Variants in RAI14 observed in about 807,000 individuals in gnomAD.
The protein encoded by RAI14 is ankycorbin.
In RAI14, 45 loss-of-function variants were observed where a neutral mutation model predicts 115.4. The observed-to-expected ratio is 0.39, with a 90% CI of 0.31 to 0.50. The LOEUF is 0.50. Among genes scored for constraint, RAI14 ranks in the 20% least tolerant of loss-of-function variants. The pLI is 0.85. For missense variants in RAI14, 939 were observed against 1,131.2 expected (o/e 0.83, Z 2.44); for synonymous variants, 371 against 415.4 (o/e 0.89, Z 1.30).
At chr5:34,734,244 A>AC (rs1744568086) in intron 2 of RAI14, among the ~76,000 whole-genome samples, 1 of 152,120 alleles carries the variant, frequency 6.6e-6, no homozygotes, top group African/African-American at 2.4e-5. Flanking sequence ...GGGTCAGTGA[A>AC]CTGGGGGGGC....
intron 3 of RAI14, among the ~76,000 whole-genome samples, chr5:34,758,789 A>T (rs1047815401): frequency 6.6e-6 from 1 of 152,194 alleles, no homozygotes; most frequent in African/African-American, 2.4e-5. Context: ...CTGCTCCCAC[A>T]CTACAAAGGC....
In RAI14 at chr5:34,826,482, G is replaced by C. The variant is rs565314228; in HGVS notation, c.2799+3G>C. 5.0e-6 allele frequency: 8 copies of C among 1,612,092 alleles called. 1 individual carries two copies. In the South Asian group the frequency reaches 8.8e-5, roughly 18 times the overall value. The stretch of plus-strand genomic sequence containing the variant: ...AACAGCTCCAGAACCAGCTGGCGGT[G>C]AGTGGGCTTGTTTCTGCTGCCTGGT... On this transcript the variant is annotated splice_donor_region_variant and intron_variant, in intron 16 of 17. Transcript: ENST00000265109.
intron 2 of RAI14, chr5:34,716,047 T>C (rs1327023084): frequency 4.4e-6 from 2 of 451,272 alleles, no homozygotes; most frequent in Non-Finnish European, 8.9e-6. Context: ...ATATTTCCTG[T>C]CCTCTAGGAA....
intron 3 of RAI14, among the ~76,000 whole-genome samples, chr5:34,787,893 A>ATTTTTTTTTTGTTTTTTTTT (rs1752489144): frequency 4.0e-5 from 1 of 25,090 alleles, no homozygotes; most frequent in Non-Finnish European, 8.4e-5. Flanking sequence ...GATACTACTG[A>ATTTTTTTTTTGTTTTTTTTT]TTTTTTTTTT....
intron 3 of RAI14, among the ~76,000 whole-genome samples, chr5:34,764,545 C>T (rs796133055): frequency 0.31 from 44,630 of 144,764 alleles, 9,182 homozygotes; most frequent in African/African-American, 0.64. Flanking sequence ...TTTTCTCTCT[C>T]TCTCTCTCTC....
chr5:34,830,761 A>G lies in RAI14; in HGVS notation c.2939A>G (p.Lys980Arg). ...ATGTGTAAAAACCAGTCTCAAAAGA[A>G]GTAAAGTGGATTCCTTGGCAGGACA... ...LTMCKNQSQK[K>R] The change falls in exon 18 of 18, where the codon AAG (lysine) becomes AGG (arginine). Residue 980 changes from lysine (K) to arginine (R), a missense_variant. Physicochemically the swap from Lys to Arg is conservative, Grantham distance 26. Coordinates refer to ENST00000265109, the MANE Select transcript of RAI14 (RefSeq NM_015577.3). The G allele has an allele frequency of 1.2e-6, 2 of 1,614,172 alleles. No homozygotes were observed. Among genetic ancestry groups the G allele is most frequent in the Non-Finnish European group, 1.7e-6 (2 of 1,179,996 alleles).
chr5:34,811,189 A>C, intron 8 of RAI14, 71 bp downstream of exon 8: 3 of 1,488,856 alleles, frequency 2.0e-6, no homozygotes, highest in Non-Finnish European at 2.8e-6. Context: ...TCAAAATATC[A>C]CAGCTATATT....
intron 1 of RAI14, among the ~76,000 whole-genome samples, chr5:34,670,489 A>G (rs541685674): frequency 6.6e-6 from 1 of 152,342 alleles, no homozygotes; most frequent in South Asian, 2.1e-4. Context: ...AAATTTTGCA[A>G]AGTAATCTTT....
At chr5:34,772,616 G>T (rs1750318525) in intron 3 of RAI14, among the ~76,000 whole-genome samples, 1 of 152,132 alleles carries the variant, frequency 6.6e-6, no homozygotes. Flanking sequence ...TTAGAAATGA[G>T]GGAACTGAAG....
At chr5:34,803,100 A>G (rs941212355) in intron 4 of RAI14, among the ~76,000 whole-genome samples, 3 of 152,216 alleles carry the variant, frequency 2.0e-5, no homozygotes, top group African/African-American at 7.2e-5. Context: ...GACAGCTGAA[A>G]GCAGAGCTGC....
chr5:34,686,849 A>G lies in RAI14; in HGVS notation c.-48-23A>G, dbSNP rs564313431. On this transcript the variant is annotated intron_variant, in intron 1 of 17. Coordinates refer to ENST00000265109, the MANE Select transcript of RAI14 (RefSeq NM_015577.3). ...GAATACCTTATTTGGAAACCTACAT[A>G]TGTCCTTTTTTTCTCTGCTTAGGTG... 8.8e-6 allele frequency: 13 copies of G among 1,482,020 alleles called. No individual in the cohort carries two copies. In the East Asian group the frequency reaches 1.4e-4, roughly 16 times the overall value. 91.8% of individuals were successfully genotyped at this position (1,482,020 alleles called of 1,614,324 possible).
chr5:34,800,265 T>C (rs1299075946), intron 4 of RAI14, among the ~76,000 whole-genome samples: 1 of 152,230 alleles, frequency 6.6e-6, no homozygotes, highest in African/African-American at 2.4e-5. Context: ...TCTACTTAGA[T>C]AGCCTTTAAG....
At chr5:34,667,175 T>C (rs1228229974) in intron 1 of RAI14, 1 of 152,214 alleles carries the variant, frequency 6.6e-6, no homozygotes, top group Non-Finnish European at 1.5e-5. Flanking sequence ...GAGACTCCTG[T>C]ATGTAGCTAA....
intron 12 of RAI14, 67 bp from the exon 13 acceptor site, chr5:34,818,730 C>T: frequency 7.3e-7 from 1 of 1,372,718 alleles, no homozygotes; most frequent in Non-Finnish European, 1.0e-6. Flanking sequence ...GGAGGAAAGT[C>T]TGCTTGATTC....
intron 2 of RAI14, among the ~76,000 whole-genome samples, chr5:34,720,896 G>T (rs1282196195): frequency 6.6e-6 from 1 of 151,456 alleles, no homozygotes; most frequent in Non-Finnish European, 1.5e-5. Context: ...TCACTATGTT[G>T]CCCAGGCTGG....
At chr5:34,782,356 G>A (rs188356323) in intron 3 of RAI14, among the ~76,000 whole-genome samples, 37 of 152,106 alleles carry the variant, frequency 2.4e-4, no homozygotes, top group African/African-American at 7.5e-4. Flanking sequence ...GTCAGGTTCC[G>A]CATCTGCAGA....
At chr5:34,757,272 T>A (rs953594727) in intron 2 of RAI14, 196 bp from the exon 3 acceptor site, 2 of 654,780 alleles carry the variant, frequency 3.1e-6, no homozygotes, top group Non-Finnish European at 5.6e-6. Context: ...TTGCACTATT[T>A]ATGTTTTCTT....
At chr5:34,783,404 G>A (rs1751908563) in intron 3 of RAI14, among the ~76,000 whole-genome samples, 1 of 152,170 alleles carries the variant, frequency 6.6e-6, no homozygotes, top group South Asian at 2.1e-4. Context: ...TCATGATAAG[G>A]TTTCAGGTAT....
intron 3 of RAI14, among the ~76,000 whole-genome samples, chr5:34,766,850 A>C (rs1749447342): frequency 6.6e-6 from 1 of 152,184 alleles, no homozygotes; most frequent in Non-Finnish European, 1.5e-5. Context: ...TAATTCCTAC[A>C]TATTGTGGGG....
Sources: allele counts gnomAD v4.1 joint callset (sites outside exome capture counted in the v4.1 genomes callset), GRCh38; gene constraint gnomAD v4.1.1; transcripts MANE v1.5; gene names NCBI Gene and HGNC (gene_info 2026-07-23, HGNC 2026-07-21).